Variants in PSMB6 observed in about 807,000 individuals in gnomAD.
PSMB6 encodes proteasome 20S subunit beta 6, also known as proteasome subunit beta type-6.
A neutral mutation model predicts 28.2 loss-of-function variants in PSMB6; 11 were observed. The observed-to-expected ratio is 0.39, with a 90% confidence interval of 0.25 to 0.65. The LOEUF (loss-of-function observed/expected upper bound fraction) is 0.65. Ranked by LOEUF, PSMB6 falls within the 30% of genes least tolerant of loss-of-function variation. The pLI is 0.48. For synonymous variants in PSMB6, 126 were observed against 117.7 expected, an observed-to-expected ratio of 1.07 and a Z score of -0.45; for missense variants, 268 against 319.4, an observed-to-expected ratio of 0.84 and a Z score of 1.23.
chr17:4,798,353 G>A lies in PSMB6; in HGVS notation c.651G>A (p.Gly217=), dbSNP rs1457949186. 2.5e-6 allele frequency: 4 copies of A among 1,614,222 alleles called. No homozygotes were observed. Among genetic ancestry groups the A allele is most frequent in the East Asian group, 2.2e-5 (1 of 44,886 alleles). The change falls in exon 6 of 6, where the codon GGG becomes GGA. Residue 217 remains glycine (G), a synonymous_variant. Coordinates refer to ENST00000270586, the MANE Select transcript of PSMB6 (RefSeq NM_002798.3). ...VIRLAAIAES[G]VERQVLLGDQ... ...GCCTGGCAGCCATTGCAGAGTCAGG[G>A]GTAGAGCGGCAAGTACTTTTGGGAG...
chr17:4,796,703 C>T, intron 1 of PSMB6, 25 bp from the exon 2 acceptor site: 1 of 1,562,900 alleles, frequency 6.4e-7, no homozygotes, highest in South Asian at 1.1e-5. Flanking sequence ...AGAATGTAGA[C>T]TTACTCCTTT....
chr17:4,798,458 G>C lies in PSMB6; in HGVS notation c.*36G>C, dbSNP rs1210215100. The stretch of plus-strand genomic sequence containing the variant: ...TCTAGTATGCAATAAGAGATGCCCT[G>C]TACTGATGCAAAATTTAATAAAGTT... On this transcript the variant is annotated 3_prime_UTR_variant, in exon 6 of 6. Coordinates refer to ENST00000270586, the MANE Select transcript of PSMB6 (RefSeq NM_002798.3). The C allele has an allele frequency of 5.8e-6, 9 of 1,564,324 alleles. No homozygotes were observed. Among genetic ancestry groups the C allele is most frequent in the African/African-American group, 1.4e-5 (1 of 72,524 alleles).
rs539317246 is a variant in PSMB6, at chr17:4,797,826, C to T, written c.432+15C>T. ...AAGGAGGGCAGGTCAGATCCCCACCCGACCAGAGCACACTTGAGCCAGGAC... is the reference window on the plus strand; with the variant it reads ...AAGGAGGGCAGGTCAGATCCCCACCTGACCAGAGCACACTTGAGCCAGGAC... On this transcript the variant is annotated intron_variant, in intron 4 of 5. Transcript: ENST00000270586. The T allele has an allele frequency of 3.4e-5, 55 of 1,613,774 alleles. No individual in the cohort carries two copies. The highest frequency in any genetic ancestry group is 9.3e-5 in the African/African-American group (7 of 75,026).
chr17:4,796,846 C>A (rs373840818), intron 2 of PSMB6, 51 bp downstream of exon 2: 45 of 1,479,506 alleles, frequency 3.0e-5, no homozygotes, highest in African/African-American at 2.1e-4. Flanking sequence ...CTTTTCCTTT[C>A]CTGCCTGCCA....
chr17:4,796,864 C>G, intron 2 of PSMB6, 69 bp downstream of exon 2: 1 of 1,327,974 alleles, frequency 7.5e-7, no homozygotes. Flanking sequence ...CCAGCCCACC[C>G]TGCCTGCCTC....
intron 1 of PSMB6, 65 bp from the exon 2 acceptor site, chr17:4,796,663 A>C: frequency 4.0e-5 from 56 of 1,395,942 alleles, no homozygotes; most frequent in Non-Finnish European, 5.0e-5. Context: ...GGAACTAGGT[A>C]GAGAGATCAT....
chr17:4,796,995 GC>G, intron 2 of PSMB6, 200 bp downstream of exon 2: 1 of 589,070 alleles, frequency 1.7e-6, no homozygotes, highest in South Asian at 2.0e-5. Context: ...CTGTTCTCCA[GC>G]CCGCTTCAGT....
In PSMB6 at chr17:4,797,663, G is replaced by C. The variant is rs759755333; in HGVS notation, c.303-19G>C. The C allele has an allele frequency of 6.2e-7, 1 of 1,611,932 alleles. No individual in the cohort carries two copies. The highest frequency in any genetic ancestry group is 1.1e-5 in the South Asian group (1 of 90,960). On this transcript the variant is annotated intron_variant, in intron 3 of 5. Transcript: ENST00000270586. ...TTCTAGGTCTTGAAACTTTCTCTGT[G>C]ACTTCCCTGACCCTCTAGCATTGAA... is the stretch of plus-strand genomic sequence containing the variant.
In PSMB6 at chr17:4,796,240, G is replaced by A; in HGVS notation, c.46G>A (p.Ala16Thr). Residue 16 changes from alanine to threonine, a missense_variant, in exon 1 of 6, where the codon GCT becomes ACT. By Grantham distance (58) the Ala-to-Thr change is moderately conservative. Transcript: ENST00000270586. ...TGCTCGGGGAGCCGGGCCAGCACCG[G>A]CTTGGGGGCCGGAGGCGTTCACTCC... ...LAARGAGPAPAWGPEAFTPDW... is the reference protein window; with the variant it reads ...LAARGAGPAPTWGPEAFTPDW... The A allele has an allele frequency of 4.4e-6, 7 of 1,594,246 alleles. No homozygotes were observed. Among genetic ancestry groups the A allele is most frequent in the Middle Eastern group, 1.7e-4 (1 of 6,034 alleles).
rs201498604 is a variant in PSMB6 at position 4,797,855 on chromosome 17, T to C, written c.432+44T>C. Reference sequence around the variant, plus strand: ...CAGAGCACACTTGAGCCAGGACTTTTATCCTCTCCCCAGCCATTTTCTTTT... The same window carrying C: ...CAGAGCACACTTGAGCCAGGACTTTCATCCTCTCCCCAGCCATTTTCTTTT... On this transcript the variant is annotated intron_variant, in intron 4 of 5. Transcript: ENST00000270586. The C allele has an allele frequency of 1.9e-6, 3 of 1,610,994 alleles. No individual in the cohort carries two copies. In the Admixed American group the frequency reaches 5.0e-5, roughly 27 times the overall value.
intron 1 of PSMB6, 86 bp from the exon 2 acceptor site, chr17:4,796,642 T>C (rs1220464741): frequency 7.8e-7 from 1 of 1,277,226 alleles, no homozygotes; most frequent in Admixed American, 1.7e-5. Context: ...ACGGACAGAT[T>C]TTGTATTTTT....
chr17:4,796,547 G>A (rs1263872908), intron 1 of PSMB6, among the ~76,000 whole-genome samples, 181 bp from the exon 2 acceptor site: 2 of 152,122 alleles, frequency 1.3e-5, no homozygotes, highest in African/African-American at 2.4e-5. Context: ...TTAAGTACGG[G>A]ATGAGTCTTT....
rs142209646 is a variant in PSMB6 at position 4,796,602 on chromosome 17, G to A, written c.103-126G>A. On this transcript the variant is annotated intron_variant, in intron 1 of 5. Transcript: ENST00000270586. ...TTCTGGTATTCTGCGGGGTGCTGAG[G>A]CCCCTATAAGATTTGAAAATGGTTC... The A allele has an allele frequency of 4.3e-6, 4 of 922,236 alleles. No homozygotes were observed. The Admixed American group carries it at 6.8e-5, about 16-fold the overall frequency. 57.1% of individuals were successfully genotyped at this position (922,236 alleles called of 1,614,324 possible).
chr17:4,797,983 G>A (rs1429921508), intron 4 of PSMB6, 26 bp from the exon 5 acceptor site: 1 of 1,613,718 alleles, frequency 6.2e-7, no homozygotes, highest in Non-Finnish European at 8.5e-7. Flanking sequence ...GATACGACTG[G>A]TGACTCCTCT....
chr17:4,796,934 C>T, intron 2 of PSMB6, 139 bp downstream of exon 2: 1 of 760,346 alleles, frequency 1.3e-6, no homozygotes, highest in East Asian at 2.5e-5. Context: ...TTTGTCCCAA[C>T]TTTTGTTACT....
At position 4,796,255 on chromosome 17, in the gene PSMB6, G is replaced by A; in HGVS notation, c.61G>A (p.Ala21Thr). The A allele has an allele frequency of 6.3e-7, 1 of 1,591,286 alleles. No homozygotes were observed. Reference sequence around the variant, plus strand: ...GCCAGCACCGGCTTGGGGGCCGGAGGCGTTCACTCCAGACTGGGAAAGCCG... The same window carrying A: ...GCCAGCACCGGCTTGGGGGCCGGAGACGTTCACTCCAGACTGGGAAAGCCG... ...AGPAPAWGPEAFTPDWESREV... is the reference protein window; with the variant it reads ...AGPAPAWGPETFTPDWESREV... The change falls in exon 1 of 6, where the codon GCG becomes ACG. Residue 21 changes from alanine (A) to threonine (T), a missense_variant. Ala to Thr is a moderately conservative substitution (Grantham distance 58, BLOSUM62 0). Transcript: ENST00000270586.
rs1282293376 is a variant in PSMB6, at chr17:4,797,751, C to T, written c.372C>T (p.Tyr124=). ...TCTTTAAGGAGATGTGTTACCGATA[C>T]CGGGAAGACCTGATGGCGGGAATCA... The part of the protein sequence containing the change: ...ASLFKEMCYR[Y]REDLMAGIII... Residue 124 remains tyrosine (Y), a synonymous_variant, in exon 4 of 6, where the codon TAC becomes TAT. Coordinates refer to ENST00000270586, the MANE Select transcript of PSMB6 (RefSeq NM_002798.3). 6.2e-7 allele frequency: 1 copy of T among 1,614,154 alleles called. No individual in the cohort carries two copies. Among genetic ancestry groups the T allele is most frequent in the African/African-American group, 1.3e-5 (1 of 75,042 alleles).
chr17:4,796,607 T>C, intron 1 of PSMB6, 121 bp from the exon 2 acceptor site: 1 of 977,974 alleles, frequency 1.0e-6, no homozygotes, highest in East Asian at 2.4e-5. Flanking sequence ...CTGAGGCCCC[T>C]ATAAGATTTG....
intron 4 of PSMB6, 70 bp from the exon 5 acceptor site, chr17:4,797,938 GA>G: frequency 6.2e-7 from 1 of 1,605,764 alleles, no homozygotes; most frequent in Non-Finnish European, 8.5e-7. Context: ...ACCAATAGCA[GA>G]ATGGACAGGT....
Sources: allele counts gnomAD v4.1 joint callset (sites outside exome capture counted in the v4.1 genomes callset), GRCh38; gene constraint gnomAD v4.1.1; transcripts MANE v1.5; gene names NCBI Gene and HGNC (gene_info 2026-07-23, HGNC 2026-07-21).